The following CEP85 variants were observed in gnomAD, a reference collection of about 807,000 sequenced individuals.
The protein encoded by CEP85 is centrosomal protein 85, also known as centrosomal protein of 85 kDa.
Under a neutral mutation model 93.7 loss-of-function variants are expected in CEP85, and 58 were observed. The observed-to-expected ratio is 0.62, with a 90% CI of 0.50 to 0.77. CEP85 has a LOEUF of 0.77. CEP85 is among the 30% of genes least tolerant of loss of function. The pLI, the probability that CEP85 is intolerant of heterozygous loss-of-function variation, is 0.00. For missense variants in CEP85, 868 were observed against 922.0 expected (o/e 0.94, Z 0.76); for synonymous variants, 314 against 338.6 (o/e 0.93, Z 0.80).
chr1:26,260,514 A>AT (rs1230959473), intron 7 of CEP85, among the ~76,000 whole-genome samples: 2 of 151,666 alleles, frequency 1.3e-5, no homozygotes, highest in African/African-American at 4.8e-5. Context: ...AAAAAAAAAA[A>AT]ATTCCATGTG....
At chr1:26,269,640 G>A in intron 9 of CEP85, 26 bp downstream of exon 9, 3 of 1,594,138 alleles carry the variant, frequency 1.9e-6, no homozygotes, top group Middle Eastern at 1.7e-4. Flanking sequence ...GGACTGAGAG[G>A]AGTGGAGAGT....
At chr1:26,276,817 C>A in intron 13 of CEP85, 57 bp downstream of exon 13, 2 of 1,323,898 alleles carry the variant, frequency 1.5e-6, no homozygotes, top group Non-Finnish European at 2.1e-6. Context: ...TCTCTTCTCT[C>A]CCCCATCCTG....
intron 2 of CEP85, among the ~76,000 whole-genome samples, chr1:26,243,737 C>T (rs1243622556): frequency 1.3e-5 from 2 of 152,158 alleles, no homozygotes; most frequent in African/African-American, 2.4e-5. Context: ...CAGTGGCTCA[C>T]ACCTGTAATC....
intron 3 of CEP85, among the ~76,000 whole-genome samples, chr1:26,248,489 G>GT (rs796111312): frequency 6.6e-6 from 1 of 151,694 alleles, no homozygotes; most frequent in Non-Finnish European, 1.5e-5. Flanking sequence ...TGGTCTAGAA[G>GT]TTTTTTTTAC....
intron 3 of CEP85, among the ~76,000 whole-genome samples, chr1:26,247,336 G>A (rs2089526319): frequency 6.6e-6 from 1 of 152,070 alleles, no homozygotes; most frequent in East Asian, 1.9e-4. Flanking sequence ...TACACCTCAA[G>A]TGAGCAAATT....
rs2090088490 is a variant in CEP85 at position 26,278,698 on chromosome 1, G to A, written c.*1405G>A. The A allele has an allele frequency of 6.6e-6, 1 of 152,632 alleles. No individual in the cohort carries two copies. The highest frequency in any genetic ancestry group is 6.5e-5 in the Admixed American group (1 of 15,280). The allele number at this position is 152,632 out of a possible 1,614,324, so 9.5% of individuals were successfully genotyped here. On this transcript the variant is annotated 3_prime_UTR_variant, in exon 14 of 14. Transcript: ENST00000451429. ...GCATTGGGAGCCCAGCCACCATGCT[G>A]ACGGGTATTTTTCCTCATAAAGTTT...
chr1:26,257,501 T>C (rs2089725348), intron 4 of CEP85, 96 bp from the exon 5 acceptor site: 2 of 1,434,862 alleles, frequency 1.4e-6, no homozygotes, highest in Non-Finnish European at 1.9e-6. Flanking sequence ...CTGAGCCAAG[T>C]TGGGCTTTGA....
At chr1:26,275,836 CTA>C (rs2090045996) in intron 12 of CEP85, among the ~76,000 whole-genome samples, 1 of 152,066 alleles carries the variant, frequency 6.6e-6, no homozygotes, top group South Asian at 2.1e-4. Context: ...TATTCAGACT[CTA>C]TAAAAATACA....
At chr1:26,262,448 A>T (rs1312884544) in intron 7 of CEP85, among the ~76,000 whole-genome samples, 1 of 152,078 alleles carries the variant, frequency 6.6e-6, no homozygotes, top group Admixed American at 6.6e-5. Context: ...ACTGCTCTCT[A>T]ATCTGGGCAA....
At chr1:26,253,192 A>G (rs750328886) in intron 3 of CEP85, among the ~76,000 whole-genome samples, 3 of 152,140 alleles carry the variant, frequency 2.0e-5, no homozygotes, top group Non-Finnish European at 4.4e-5. Context: ...GGGATTGTAG[A>G]TATCTCTTGG....
At position 26,255,611 on chromosome 1, in the gene CEP85, G is replaced by T; in HGVS notation, c.649G>T (p.Glu217Ter). The change falls in exon 4 of 14, where the codon GAG becomes TAG. Residue 217 changes from glutamate (E) to a stop codon, truncating the protein, a stop_gained. Coordinates refer to ENST00000451429, the MANE Select transcript of CEP85 (RefSeq NM_001319944.2). LOFTEE classifies it high-confidence loss of function. ...FHNPRTSTSK[E>*]LYRVLPEAKK... is the part of the protein sequence containing the mutation. ...CAACCCAAGAACCAGCACAAGTAAG[G>T]AGTTGTACAGAGTGTTGCCTGAGGC... The T allele has an allele frequency of 6.2e-7, 1 of 1,614,066 alleles. No individual in the cohort carries two copies. Among genetic ancestry groups the T allele is most frequent in the East Asian group, 2.2e-5 (1 of 44,886 alleles).
intron 1 of CEP85, among the ~76,000 whole-genome samples, chr1:26,238,434 G>A (rs1019955780): frequency 5.3e-5 from 8 of 152,036 alleles, no homozygotes; most frequent in Non-Finnish European, 1.0e-4. Context: ...GACCTCAGGT[G>A]ATCCGCCTGC....
At chr1:26,254,081 C>G (rs1295003044) in intron 3 of CEP85, among the ~76,000 whole-genome samples, 1 of 152,004 alleles carries the variant, frequency 6.6e-6, no homozygotes. Context: ...TTGTTGTTAT[C>G]TGAGTGTTCT....
intron 2 of CEP85, among the ~76,000 whole-genome samples, chr1:26,241,940 T>C (rs2089434101): frequency 6.6e-6 from 1 of 152,064 alleles, no homozygotes; most frequent in Non-Finnish European, 1.5e-5. Context: ...TTTTTTGTAT[T>C]TTTAGTAGAG....
Position 26,277,194 on chromosome 1 carries a change from A to G in CEP85, c.2187A>G (p.Leu729=). Reference sequence around the variant, plus strand: ...AGCCAGATGTGATCAAGAGGAAACTAGAAGAGGTTCAACAGCTGCGTCGTG... The same window carrying G: ...AGCCAGATGTGATCAAGAGGAAACTGGAAGAGGTTCAACAGCTGCGTCGTG... ...LQKPDVIKRK[L]EEVQQLRRDI... is the part of the protein sequence containing the mutation. The change falls in exon 14 of 14, where the codon CTA becomes CTG. Residue 729 remains leucine (L), a synonymous_variant. Coordinates refer to ENST00000451429, the MANE Select transcript of CEP85 (RefSeq NM_001319944.2). 6.2e-7 allele frequency: 1 copy of G among 1,614,160 alleles called. No homozygotes were observed.
Position 26,259,590 on chromosome 1 carries a change from G to A in CEP85, c.1156-27G>A, listed in dbSNP as rs112092489. On this transcript the variant is annotated intron_variant, in intron 6 of 13. Coordinates refer to ENST00000451429, the MANE Select transcript of CEP85 (RefSeq NM_001319944.2). ...CATGAGACTATAAGGGTAGAGAACA[G>A]TTACATATTGAGAATCTTTCTGGCA... 4.1e-4 allele frequency: 648 copies of A among 1,588,298 alleles called. 2 individuals carry two copies. In the African/African-American group the frequency reaches 7.1e-3, roughly 17 times the overall value.
intron 2 of CEP85, among the ~76,000 whole-genome samples, chr1:26,240,869 G>A (rs545717828): frequency 7.2e-5 from 11 of 151,826 alleles, no homozygotes; most frequent in African/African-American, 2.4e-4. Context: ...CTGCACTCCA[G>A]CCTGGGCAAC....
chr1:26,257,287 A>C (rs2089722173), intron 4 of CEP85, among the ~76,000 whole-genome samples: 1 of 152,158 alleles, frequency 6.6e-6, no homozygotes, highest in Admixed American at 6.5e-5. Context: ...AAGGGAGCAG[A>C]CATATTCCCC....
chr1:26,266,015 G>A (rs1224457401), intron 7 of CEP85, among the ~76,000 whole-genome samples: 2 of 152,018 alleles, frequency 1.3e-5, no homozygotes, highest in Middle Eastern at 3.2e-3. Context: ...CAAGATCAGC[G>A]TGGCCAACAT....
Sources: gnomAD v4.1 joint callset for allele counts (sites outside exome capture counted in the v4.1 genomes callset) on GRCh38, gnomAD v4.1.1 for gene constraint, MANE v1.5 for transcripts, NCBI Gene and HGNC (gene_info 2026-07-23, HGNC 2026-07-21) for gene names.